Variants in GBE1 observed in about 807,000 individuals in gnomAD.
GBE1 encodes the protein 1,4-alpha-glucan-branching enzyme.
A neutral mutation model predicts 88.8 loss-of-function variants in GBE1; 70 were observed. The observed-to-expected ratio is 0.79, with a 90% CI of 0.65 to 0.96. The LOEUF (loss-of-function observed/expected upper bound fraction) is 0.96, where lower values mean the gene tolerates loss of function less well. GBE1 is among the 40% of genes least tolerant of loss of function. GBE1 has a pLI of 0.00. For missense variants in GBE1, 872 were observed against 871.0 expected, an observed-to-expected ratio of 1.00 and a Z score of -0.01; for synonymous variants, 284 against 300.1, an observed-to-expected ratio of 0.95 and a Z score of 0.56.
At chr3:81,641,111 TA>T (rs1276593725) in intron 7 of GBE1, among the ~76,000 whole-genome samples, 2 of 152,164 alleles carry the variant, frequency 1.3e-5, no homozygotes, top group Non-Finnish European at 2.9e-5. Flanking sequence ...TTGTATAACA[TA>T]AAAATCCATC....
chr3:81,499,257 G>A (rs779230899), intron 14 of GBE1, 30 bp from the exon 15 acceptor site: 1 of 1,314,746 alleles, frequency 7.6e-7, no homozygotes, highest in Non-Finnish European at 1.1e-6. Context: ...CACAACAGTT[G>A]AGGAGTTGAA....
intron 7 of GBE1, among the ~76,000 whole-genome samples, chr3:81,632,045 G>A (rs989635881): frequency 1.3e-5 from 2 of 152,106 alleles, no homozygotes; most frequent in Non-Finnish European, 2.9e-5. Flanking sequence ...ATTTATCAGT[G>A]AGAACATGCA....
At chr3:81,749,824 C>G (rs1706471080) in intron 1 of GBE1, among the ~76,000 whole-genome samples, 1 of 152,110 alleles carries the variant, frequency 6.6e-6, no homozygotes, top group Non-Finnish European at 1.5e-5. Flanking sequence ...ACACAATTTA[C>G]AATTGTCTAA....
chr3:81,617,827 CA>C (rs1381501719), intron 7 of GBE1, among the ~76,000 whole-genome samples: 89 of 151,634 alleles, frequency 5.9e-4, no homozygotes, highest in Non-Finnish European at 5.8e-4. Context: ...GAAAATTGCC[CA>C]TTGAAAACAC....
At chr3:81,562,218 A>T (rs538495447) in intron 12 of GBE1, among the ~76,000 whole-genome samples, 1 of 152,226 alleles carries the variant, frequency 6.6e-6, no homozygotes, top group Admixed American at 6.6e-5. Flanking sequence ...AAAGAGGACC[A>T]TTAAGTAATT....
At chr3:81,649,704 C>T in intron 4 of GBE1, 92 bp downstream of exon 4, 1 of 962,508 alleles carries the variant, frequency 1.0e-6, no homozygotes, top group Non-Finnish European at 1.5e-6. Flanking sequence ...TGAAGATAAG[C>T]ATTGAACATT....
intron 15 of GBE1, among the ~76,000 whole-genome samples, 154 bp downstream of exon 15, chr3:81,498,956 C>A (rs887038691): frequency 6.6e-6 from 1 of 152,160 alleles, no homozygotes; most frequent in African/African-American, 2.4e-5. Flanking sequence ...ACACACATTA[C>A]ATCTGGCCAA....
chr3:81,757,715 A>G (rs947931847), intron 1 of GBE1, among the ~76,000 whole-genome samples: 4 of 152,244 alleles, frequency 2.6e-5, no homozygotes, highest in Admixed American at 6.5e-5. Context: ...CATGTTTGGA[A>G]TGAAAATCTG....
At chr3:81,556,326 A>C (rs369763661) in intron 12 of GBE1, among the ~76,000 whole-genome samples, 2 of 152,234 alleles carry the variant, frequency 1.3e-5, no homozygotes, top group East Asian at 3.9e-4. Context: ...AGAGAGTAAA[A>C]AAAAAATCCA....
At chr3:81,685,352 T>G (rs1272164640) in intron 2 of GBE1, among the ~76,000 whole-genome samples, 1 of 152,086 alleles carries the variant, frequency 6.6e-6, no homozygotes, top group Admixed American at 6.5e-5. Context: ...TTTTTGTTTG[T>G]TTTTCTCTTG....
chr3:81,714,073 A>G (rs1705907913), intron 1 of GBE1, among the ~76,000 whole-genome samples: 1 of 152,220 alleles, frequency 6.6e-6, no homozygotes, highest in African/African-American at 2.4e-5. Context: ...AAGAGAATGT[A>G]ATTCTGAATG....
At chr3:81,727,348 T>C (rs1706127593) in intron 1 of GBE1, among the ~76,000 whole-genome samples, 1 of 152,206 alleles carries the variant, frequency 6.6e-6, no homozygotes, top group African/African-American at 2.4e-5. Context: ...GAAAAAATCA[T>C]TAATCATATG....
rs144001053 is a variant in GBE1, at chr3:81,720,041, A to G, written c.144-14428T>C. ...TATCAAAGAATCTCAGGAGATATAT[A>G]TATTTCCAACAACAAAAAAATCCAC... is the stretch of plus-strand genomic sequence containing the variant. On this transcript the variant is annotated intron_variant, in intron 1 of 15. Transcript: ENST00000429644. Among the ~76,000 whole-genome samples, 524 of 152,224 alleles carry G rather than the reference A, an allele frequency of 3.4e-3. 2 individuals carry two copies. Among genetic ancestry groups the G allele is most frequent in the African/African-American group, 0.012 (503 of 41,562 alleles).
At chr3:81,689,130 A>C (rs985988718) in intron 2 of GBE1, among the ~76,000 whole-genome samples, 2 of 152,218 alleles carry the variant, frequency 1.3e-5, no homozygotes, top group African/African-American at 4.8e-5. Context: ...AAGAAAATTG[A>C]ATCACTTTTA....
Position 81,761,507 on chromosome 3 carries a change from G to C in GBE1, c.11C>G (p.Pro4Arg), listed in dbSNP as rs1283434351. The C allele has an allele frequency of 6.2e-7, 1 of 1,604,720 alleles. No individual in the cohort carries two copies. MAAPMTPAARPEDY... is the reference protein window; with the variant it reads MAARMTPAARPEDY... The stretch of plus-strand genomic sequence containing the variant: ...CTCGGGCCGAGCCGCGGGAGTCATC[G>C]GAGCCGCCATATTCCGCCGCAGTCC... Residue 4 changes from proline (P) to arginine (R), a missense_variant, in exon 1 of 16, where the codon CCG (proline) becomes CGG (arginine). Physicochemically the swap from Pro to Arg is moderately radical, Grantham distance 103. Coordinates refer to ENST00000429644, the MANE Select transcript of GBE1 (RefSeq NM_000158.4).
chr3:81,529,920 C>T (rs1702991404), intron 14 of GBE1, among the ~76,000 whole-genome samples: 1 of 149,392 alleles, frequency 6.7e-6, no homozygotes, highest in African/African-American at 2.4e-5. Context: ...ATGAATCAGT[C>T]TCTCTCTCTC....
At chr3:81,603,871 T>C (rs1323473343) in intron 7 of GBE1, among the ~76,000 whole-genome samples, 1 of 152,174 alleles carries the variant, frequency 6.6e-6, no homozygotes, top group Admixed American at 6.6e-5. Flanking sequence ...CTAATTTGAA[T>C]GATTTTACTA....
chr3:81,608,764 T>A (rs1475637117), intron 7 of GBE1, among the ~76,000 whole-genome samples: 1 of 152,186 alleles, frequency 6.6e-6, no homozygotes, highest in Admixed American at 6.5e-5. Flanking sequence ...GCTTTATCCA[T>A]ATAATCATAT....
chr3:81,729,533 G>A (rs1706158150), intron 1 of GBE1, among the ~76,000 whole-genome samples: 2 of 152,194 alleles, frequency 1.3e-5, no homozygotes, highest in African/African-American at 4.8e-5. Context: ...GCAAGTTCTG[G>A]CAAACAGGGC....
Sources: gnomAD v4.1 joint callset for allele counts (sites outside exome capture counted in the v4.1 genomes callset) on GRCh38, gnomAD v4.1.1 for gene constraint, MANE v1.5 for transcripts, NCBI Gene and HGNC (gene_info 2026-07-23, HGNC 2026-07-21) for gene names.